Variants in DSE observed in about 807,000 individuals in gnomAD.
DSE encodes the protein dermatan sulfate epimerase, also known as dermatan-sulfate epimerase.
In DSE, 36 loss-of-function variants were observed where a neutral mutation model predicts 84.4. That is an observed-to-expected ratio of 0.43 (90% CI 0.33 to 0.56). The LOEUF (loss-of-function observed/expected upper bound fraction) is 0.56. Ranked by LOEUF, DSE falls within the 20% of genes least tolerant of loss-of-function variation. DSE has a pLI of 0.06. For synonymous variants in DSE, 410 were observed against 430.1 expected (o/e 0.95, Z 0.58); for missense variants, 862 against 1,169.6 (o/e 0.74, Z 3.84).
upstream of DSE, among the ~76,000 whole-genome samples, chr6:116,368,714 C>T (rs1372281763): frequency 3.3e-5 from 5 of 152,158 alleles, no homozygotes; most frequent in Non-Finnish European, 5.9e-5. Flanking sequence ...TTGGGTGAAA[C>T]CTTGAATTCA....
intron 1 of DSE, among the ~76,000 whole-genome samples, chr6:116,379,476 C>T (rs777836830): frequency 6.6e-6 from 1 of 152,150 alleles, no homozygotes; most frequent in African/African-American, 2.4e-5. Context: ...CCTCCTCTAT[C>T]TTTACTTTAA....
intron 2 of DSE, among the ~76,000 whole-genome samples, chr6:116,301,303 T>C (rs1394539538): frequency 6.6e-6 from 1 of 152,152 alleles, no homozygotes; most frequent in East Asian, 1.9e-4. Flanking sequence ...GAAAGAGTTT[T>C]GTTTCTCTTC....
At chr6:116,374,144 G>A (rs1364356464) in intron 1 of DSE, among the ~76,000 whole-genome samples, 1 of 151,872 alleles carries the variant, frequency 6.6e-6, no homozygotes, top group Non-Finnish European at 1.5e-5. Context: ...CCAACCTGTT[G>A]AGGGTGTGGA....
chr6:116,278,350 C>T, intron 2 of DSE: 1 of 787,376 alleles, frequency 1.3e-6, no homozygotes, highest in Non-Finnish European at 2.1e-6. Context: ...TACCCACCAC[C>T]GTCTCAATCT....
chr6:116,434,170 A>T (rs752441955), intron 5 of DSE, among the ~76,000 whole-genome samples: 101 of 152,324 alleles, frequency 6.6e-4, no homozygotes, highest in Non-Finnish European at 1.2e-3. Flanking sequence ...TAATCTTTTA[A>T]GCCCAGAAAG....
At chr6:116,323,452 G>T (rs533875489) in intron 2 of DSE, among the ~76,000 whole-genome samples, 3 of 152,278 alleles carry the variant, frequency 2.0e-5, no homozygotes, top group East Asian at 1.9e-4. Context: ...TTCAGTGGCA[G>T]CAAGGCAGAT....
At chr6:116,306,635 T>TAGTGC (rs1305723009) in intron 2 of DSE, among the ~76,000 whole-genome samples, 1 of 152,214 alleles carries the variant, frequency 6.6e-6, no homozygotes, top group Non-Finnish European at 1.5e-5. Flanking sequence ...AATACCCTTC[T>TAGTGC]CTACAGCACT....
upstream of DSE, chr6:116,370,501 T>A: frequency 1.0e-6 from 1 of 985,500 alleles, no homozygotes; most frequent in Non-Finnish European, 1.2e-6. Context: ...GTCCCGGTAG[T>A]AAGAGTCTTA....
chr6:116,310,537 G>A (rs4945555), intron 2 of DSE, among the ~76,000 whole-genome samples: 36,862 of 151,758 alleles, frequency 0.24, 5,555 homozygotes, highest in East Asian at 0.64. Context: ...CTTGGTCCAC[G>A]GCTCCACAAT....
chr6:116,279,243 C>T, intron 2 of DSE: 1 of 1,608,736 alleles, frequency 6.2e-7, no homozygotes. Flanking sequence ...CACCTTCTGG[C>T]GGCTGCTCCT....
At chr6:116,305,264 C>T (rs1193588815) in intron 2 of DSE, among the ~76,000 whole-genome samples, 3 of 152,120 alleles carry the variant, frequency 2.0e-5, no homozygotes, top group Non-Finnish European at 2.9e-5. Context: ...TCCCAAGGCT[C>T]CTCCCTGCCC....
At chr6:116,304,829 C>T (rs889353866) in intron 2 of DSE, among the ~76,000 whole-genome samples, 2 of 152,170 alleles carry the variant, frequency 1.3e-5, no homozygotes, top group African/African-American at 2.4e-5. Context: ...TTTCCTTAGG[C>T]TACTGTGAGA....
intron 2 of DSE, among the ~76,000 whole-genome samples, chr6:116,316,946 A>G (rs930260300): frequency 2.6e-5 from 4 of 152,100 alleles, no homozygotes; most frequent in Non-Finnish European, 5.9e-5. Flanking sequence ...GGATTATCCA[A>G]GAAGCAGATG....
chr6:116,337,373 A>G (rs1231980399), intron 2 of DSE, among the ~76,000 whole-genome samples: 1 of 152,218 alleles, frequency 6.6e-6, no homozygotes, highest in East Asian at 1.9e-4. Flanking sequence ...GCACTTTGGG[A>G]GGCCGAGGCA....
chr6:116,370,838 C>G, upstream of DSE: 1 of 985,652 alleles, frequency 1.0e-6, no homozygotes, highest in Non-Finnish European at 1.2e-6. Flanking sequence ...TCCTCTGGCT[C>G]TGGTGACGTT....
Position 116,394,817 on chromosome 6 carries a change from A to G in DSE, c.-53-4381A>G, listed in dbSNP as rs78564168. 9.2e-3 allele frequency among the ~76,000 whole-genome samples: 1,395 copies of G among 152,352 alleles called. 23 individuals carry two copies. Among genetic ancestry groups the G allele is most frequent in the South Asian group, 0.066 (317 of 4,826 alleles). On this transcript the variant is annotated intron_variant, in intron 1 of 5. Transcript: ENST00000644252. ...GAGGAAAAAGAGAATTTCAGGGGACATGATGCTCAATGGAATCATTCAGAA... is the reference window on the plus strand; with the variant it reads ...GAGGAAAAAGAGAATTTCAGGGGACGTGATGCTCAATGGAATCATTCAGAA...
intron 1 of DSE, among the ~76,000 whole-genome samples, chr6:116,383,221 A>G (rs751156393): frequency 3.8e-4 from 58 of 152,230 alleles, no homozygotes; most frequent in African/African-American, 7.5e-4. Flanking sequence ...AGGGCTAGAC[A>G]TAAGAAGAGA....
chr6:116,430,014 A>C (rs1211407800), intron 3 of DSE, among the ~76,000 whole-genome samples: 1 of 152,226 alleles, frequency 6.6e-6, no homozygotes, highest in South Asian at 2.1e-4. Context: ...CAACAGTTCT[A>C]GAAAGCTAGC....
intron 1 of DSE, among the ~76,000 whole-genome samples, chr6:116,256,922 A>G (rs1772166303): frequency 6.6e-6 from 1 of 152,244 alleles, no homozygotes; most frequent in African/African-American, 2.4e-5. Flanking sequence ...TCAGTGACTT[A>G]TGATTCTATG....
Sources: gnomAD v4.1 joint callset for allele counts (sites outside exome capture counted in the v4.1 genomes callset) on GRCh38, gnomAD v4.1.1 for gene constraint, MANE v1.5 for transcripts, NCBI Gene and HGNC (gene_info 2026-07-23, HGNC 2026-07-21) for gene names.